The following RECQL5 variants were observed in gnomAD, a reference collection of about 807,000 sequenced individuals.
RECQL5 encodes RecQ like helicase 5.
In RECQL5, 88 loss-of-function variants were observed where a neutral mutation model predicts 103.4. The ratio of observed to expected loss-of-function variants is 0.85; its 90% CI spans 0.72 to 1.02. The LOEUF is 1.02. Among genes scored for constraint, RECQL5 ranks in the 50% least tolerant of loss-of-function variants. The pLI, the probability that RECQL5 is intolerant of heterozygous loss-of-function variation, is 0.00. For missense variants in RECQL5, 1,232 were observed against 1,284.3 expected (o/e 0.96, Z 0.62); for synonymous variants, 552 against 507.9 (o/e 1.09, Z -1.17).
At chr17:75,648,671 CTTT>C (rs59201126) in intron 8 of RECQL5, among the ~76,000 whole-genome samples, 139 of 94,308 alleles carry the variant, frequency 1.5e-3, no homozygotes, top group Non-Finnish European at 1.7e-3. Context: ...GGCGCCCGGC[CTTT>C]TTTTTTTTTT....
At chr17:75,661,560 A>C in intron 5 of RECQL5, 46 bp downstream of exon 5, 1 of 1,323,376 alleles carries the variant, frequency 7.6e-7, no homozygotes, top group Non-Finnish European at 1.1e-6. Flanking sequence ...ACCAGCTAAG[A>C]AGCCTCTGAG....
intron 7 of RECQL5, among the ~76,000 whole-genome samples, chr17:75,655,638 A>G (rs989505983): frequency 1.3e-5 from 2 of 152,144 alleles, no homozygotes; most frequent in Non-Finnish European, 2.9e-5. Context: ...TGCTGGGATT[A>G]CAGGCGTGAG....
At chr17:75,656,521 G>A (rs930659219) in intron 7 of RECQL5, among the ~76,000 whole-genome samples, 3 of 147,470 alleles carry the variant, frequency 2.0e-5, no homozygotes, top group Non-Finnish European at 3.1e-5. Context: ...AAAAGCTACT[G>A]ATTTTTTTTT....
At chr17:75,631,035 T>G (rs1206418404) in intron 10 of RECQL5, 25 bp from the exon 11 acceptor site, 1 of 1,613,414 alleles carries the variant, frequency 6.2e-7, no homozygotes, top group East Asian at 2.2e-5. Flanking sequence ...GAAGGACCCA[T>G]GAGGCGTCCT....
Position 75,662,971 on chromosome 17 carries a change from T to C in RECQL5, c.279A>G (p.Leu93=), listed in dbSNP as rs78206434. 1.4e-3 allele frequency: 2,244 copies of C among 1,610,048 alleles called. 32 individuals are homozygous for C. The African/African-American group carries it at 0.027, about 19-fold the overall frequency. ...AGTTCAGGGAACTTACTCGTACCTT[T>C]AGGGTTAGCAAGTGGTCCACTTGGT... ...IQDQVDHLLT[L]KVRVSSLNSK... is the part of the protein sequence containing the mutation. Residue 93 remains leucine, a synonymous_variant, in exon 4 of 20, where the codon CTA becomes CTG. Transcript: ENST00000317905.
intron 3 of RECQL5, among the ~76,000 whole-genome samples, chr17:75,663,236 T>C (rs936424994): frequency 5.3e-5 from 8 of 152,174 alleles, no homozygotes; most frequent in Non-Finnish European, 8.8e-5. Flanking sequence ...CATAATGAGA[T>C]CTCTTAAAGA....
chr17:75,628,151 C>T (rs939506334), intron 18 of RECQL5, 67 bp downstream of exon 18: 2 of 1,378,706 alleles, frequency 1.5e-6, no homozygotes, highest in Non-Finnish European at 2.1e-6. Context: ...AACTCCCTGC[C>T]TCCCACCCCC....
Position 75,630,817 on chromosome 17 carries a change from CT to C in RECQL5, c.1605del (p.Glu536ArgfsTer10). 1 of 1,448,276 alleles carries C rather than the reference CT, an allele frequency of 6.9e-7. No individual in the cohort carries two copies. The highest frequency in any genetic ancestry group is 9.2e-7 in the Non-Finnish European group (1 of 1,086,916). The allele number at this position is 1,448,276 out of a possible 1,614,324, so 89.7% of individuals were successfully genotyped here. A position where few individuals can be genotyped will look rare whatever the true frequency, so the allele number is the denominator to read the frequency against. Reference sequence around the variant, plus strand: ...CTGGGGATCCTCCTGCTAGAAGCCTCTTTCAGGGGACAGTTCTCATCTGTGG... The same window carrying C: ...CTGGGGATCCTCCTGCTAGAAGCCTCTTCAGGGGACAGTTCTCATCTGTGG... The part of the protein sequence containing the change: ...FVPPDENCPL[K>X]EASSRRIPRL... On this transcript the variant is annotated frameshift_variant, in exon 12 of 20. Coordinates refer to ENST00000317905, the MANE Select transcript of RECQL5 (RefSeq NM_004259.7). LOFTEE classifies it high-confidence loss of function.
At chr17:75,627,950 C>T (rs1479161843) in intron 18 of RECQL5, among the ~76,000 whole-genome samples, 5 of 150,168 alleles carry the variant, frequency 3.3e-5, no homozygotes, top group East Asian at 2.0e-4. Context: ...ACCCGGGAGG[C>T]GGAGGTTGCA....
chr17:75,633,571 C>A, intron 8 of RECQL5: 1 of 1,255,136 alleles, frequency 8.0e-7, no homozygotes, highest in Non-Finnish European at 1.0e-6. Flanking sequence ...AAGGGCCTCC[C>A]CAGGGACTGG....
At chr17:75,662,358 A>T in intron 4 of RECQL5, 121 bp downstream of exon 4, 1 of 1,090,138 alleles carries the variant, frequency 9.2e-7, no homozygotes, top group South Asian at 1.6e-5. Context: ...TTTTGTGCAC[A>T]AGTTTTAGGA....
chr17:75,644,901 A>G (rs1195420005), intron 8 of RECQL5, among the ~76,000 whole-genome samples: 1 of 152,086 alleles, frequency 6.6e-6, no homozygotes, highest in African/African-American at 2.4e-5. Context: ...AACTTTTGTT[A>G]AAGAACACCT....
intron 13 of RECQL5, 117 bp from the exon 14 acceptor site, chr17:75,630,394 G>A: frequency 2.0e-6 from 2 of 1,011,642 alleles, no homozygotes; most frequent in South Asian, 3.3e-5. Flanking sequence ...ATTCTGATTA[G>A]GGCTCTCTGA....
Position 75,628,346 on chromosome 17 carries a change from C to T in RECQL5, c.2677G>A (p.Gly893Ser), listed in dbSNP as rs765352857. The T allele has an allele frequency of 3.7e-6, 6 of 1,614,030 alleles. No homozygotes were observed. The highest frequency in any genetic ancestry group is 1.7e-5 in the Admixed American group (1 of 60,020). The change falls in exon 18 of 20, where the codon GGC becomes AGC. Residue 893 changes from glycine (G) to serine (S), a missense_variant. Physicochemically the swap from Gly to Ser is moderately conservative, Grantham distance 56 (BLOSUM62 0). Transcript: ENST00000317905. Reference protein sequence around the residue: ...VKGSVSASEQGTLNPTAQDPF... With the variant: ...VKGSVSASEQSTLNPTAQDPF... ...TCTTGAGCCGTGGGATTCAAGGTGC[C>T]CTGTTCGCTGGCCGAGACGCTGCCC...
intron 8 of RECQL5, among the ~76,000 whole-genome samples, chr17:75,634,579 T>C (rs1035724460): frequency 1.3e-4 from 20 of 152,180 alleles, no homozygotes; most frequent in African/African-American, 3.9e-4. Flanking sequence ...CCTCCCTTTT[T>C]CCCAGGATTA....
intron 8 of RECQL5, among the ~76,000 whole-genome samples, chr17:75,645,405 C>A (rs188741394): frequency 6.6e-6 from 1 of 152,142 alleles, no homozygotes; most frequent in East Asian, 1.9e-4. Context: ...CTGATGACCT[C>A]GGCTAAGTTA....
rs2059533163 is a variant in RECQL5, at chr17:75,649,873, C to T, written c.1229+1313G>A. On this transcript the variant is annotated intron_variant, in intron 8 of 19. Coordinates refer to ENST00000317905, the MANE Select transcript of RECQL5 (RefSeq NM_004259.7). ...TGGACCCCAGCCCCTGGCAACCAGG[C>T]CACTGATGCACTAAGAAGTCCCAGC... 3 of 985,418 alleles carry T rather than the reference C, an allele frequency of 3.0e-6. No individual in the cohort carries two copies. The African/African-American group carries it at 5.2e-5, about 17-fold the overall frequency. 61.0% of individuals were successfully genotyped at this position (985,418 alleles called of 1,614,324 possible).
In RECQL5 at chr17:75,640,349, C is replaced by T. The variant is rs752356025; in HGVS notation, c.1230-8681G>A. Reference sequence around the variant, plus strand: ...CACAGGTTAGTTGGGGCACTCAGCACCCCATGGCTCTCCCTGGCATCTGGG... The same window carrying T: ...CACAGGTTAGTTGGGGCACTCAGCATCCCATGGCTCTCCCTGGCATCTGGG... On this transcript the variant is annotated intron_variant, in intron 8 of 19. Coordinates refer to ENST00000317905, the MANE Select transcript of RECQL5 (RefSeq NM_004259.7). This position sits in a 1 kb window ranked among gnomAD's most constrained non-coding sequence, Gnocchi z 4.6. 1 of 1,523,334 alleles carries T rather than the reference C, an allele frequency of 6.6e-7. No homozygotes were observed. The highest frequency in any genetic ancestry group is 1.2e-5 in the South Asian group (1 of 80,794). 94.4% of individuals were successfully genotyped at this position (1,523,334 alleles called of 1,614,324 possible). A position where few individuals can be genotyped will look rare whatever the true frequency, so the allele number is the denominator to read the frequency against.
intron 8 of RECQL5, among the ~76,000 whole-genome samples, chr17:75,635,643 GC>G (rs1357560662): frequency 1.3e-5 from 2 of 152,184 alleles, no homozygotes; most frequent in Non-Finnish European, 2.9e-5. Context: ...GGCTGCTCAG[GC>G]ACAGGACCCT....
Sources: gnomAD v4.1 joint callset for allele counts (sites outside exome capture counted in the v4.1 genomes callset) on GRCh38, gnomAD v4.1.1 for gene constraint, Gnocchi (gnomAD v3.1) non-coding constraint, MANE v1.5 for transcripts, NCBI Gene and HGNC (gene_info 2026-07-23, HGNC 2026-07-21) for gene names.